STXBP5L: variants seen among roughly 807,000 people sequenced by gnomAD.
The protein encoded by STXBP5L is syntaxin binding protein 5L, also known as syntaxin-binding protein 5-like.
In STXBP5L, 65 loss-of-function variants were observed where a neutral mutation model predicts 144.5. The observed-to-expected ratio is 0.45, with a 90% confidence interval of 0.37 to 0.55. STXBP5L has a LOEUF of 0.55. Among genes scored for constraint, STXBP5L ranks in the 20% least tolerant of loss-of-function variants. The probability of loss-of-function intolerance (pLI) is 0.00; values close to 1 mark genes in which losing one functional copy is unlikely to be tolerated. For missense variants in STXBP5L, 1,298 were observed against 1,405.5 expected (o/e 0.92, Z 1.22); for synonymous variants, 505 against 469.6 (o/e 1.08, Z -0.97).
chr3:120,996,102 A>G (rs1001530407), intron 3 of STXBP5L, among the ~76,000 whole-genome samples: 13 of 152,152 alleles, frequency 8.5e-5, no homozygotes, highest in Non-Finnish European at 1.9e-4. Context: ...TAGTTTCAGA[A>G]GAGAGACATG....
At chr3:121,338,329 A>C (rs966117860) in intron 20 of STXBP5L, among the ~76,000 whole-genome samples, 5 of 152,100 alleles carry the variant, frequency 3.3e-5, no homozygotes, top group African/African-American at 9.7e-5. Flanking sequence ...GAAAAGAAGA[A>C]TCAAACAAGC....
intron 3 of STXBP5L, among the ~76,000 whole-genome samples, chr3:121,002,458 G>C (rs1244490032): frequency 6.6e-6 from 1 of 152,002 alleles, no homozygotes; most frequent in Non-Finnish European, 1.5e-5. Flanking sequence ...CAGATATATG[G>C]TTTGCAAATA....
At chr3:121,415,729 C>A in intron 24 of STXBP5L, 128 bp from the exon 25 acceptor site, 1 of 530,086 alleles carries the variant, frequency 1.9e-6, no homozygotes, top group Non-Finnish European at 3.2e-6. Context: ...CAGCAAAAAT[C>A]ACCATGAAAA....
In STXBP5L at chr3:120,957,559, A is replaced by G. The variant is rs187120711; in HGVS notation, c.287+2522A>G. On this transcript the variant is annotated intron_variant, in intron 3 of 26. Transcript: ENST00000471454. ...TATTAGGATAATGCCGGCCTCATAG[A>G]TGAGATTGAAAGTATTCCCTGCTTT... Among the ~76,000 whole-genome samples, 32 of 152,154 alleles carry G rather than the reference A, an allele frequency of 2.1e-4. No homozygotes were observed. The East Asian group carries it at 6.0e-3, about 28-fold the overall frequency.
intron 2 of STXBP5L, among the ~76,000 whole-genome samples, chr3:120,933,632 A>G (rs1204292598): frequency 2.0e-5 from 3 of 152,328 alleles, no homozygotes; most frequent in South Asian, 4.1e-4. Flanking sequence ...AAGGAAGTGC[A>G]TAGGGCATAG....
chr3:121,204,769 C>A (rs971721253), intron 9 of STXBP5L, among the ~76,000 whole-genome samples: 2 of 151,932 alleles, frequency 1.3e-5, no homozygotes, highest in African/African-American at 4.8e-5. Flanking sequence ...AGAACACAAG[C>A]CAGTTTAACC....
At chr3:121,128,838 T>G (rs2044839729) in intron 7 of STXBP5L, among the ~76,000 whole-genome samples, 1 of 152,070 alleles carries the variant, frequency 6.6e-6, no homozygotes, top group East Asian at 1.9e-4. Flanking sequence ...CATCAGGTTT[T>G]CAAATATAAG....
intron 14 of STXBP5L, among the ~76,000 whole-genome samples, chr3:121,242,031 T>A (rs1449258511): frequency 6.6e-6 from 1 of 152,106 alleles, no homozygotes; most frequent in African/African-American, 2.4e-5. Flanking sequence ...TTGAATCCTA[T>A]AACCAATGAA....
At chr3:121,117,462 C>G (rs752827382) in intron 6 of STXBP5L, among the ~76,000 whole-genome samples, 13 of 151,752 alleles carry the variant, frequency 8.6e-5, no homozygotes, top group Non-Finnish European at 1.6e-4. Context: ...AATTTCCAAT[C>G]TCCTGGAACT....
At chr3:121,361,348 C>T (rs2045706215) in intron 20 of STXBP5L, among the ~76,000 whole-genome samples, 1 of 152,058 alleles carries the variant, frequency 6.6e-6, no homozygotes, top group African/African-American at 2.4e-5. Flanking sequence ...GTTTGGGAAG[C>T]TCTCTGTTAT....
At chr3:120,990,968 A>G (rs1942794939) in intron 3 of STXBP5L, among the ~76,000 whole-genome samples, 1 of 152,258 alleles carries the variant, frequency 6.6e-6, no homozygotes, top group Non-Finnish European at 1.5e-5. Context: ...ACAAAAGCCA[A>G]AACTGACAAA....
intron 3 of STXBP5L, among the ~76,000 whole-genome samples, chr3:121,029,365 G>T (rs575039438): frequency 5.5e-4 from 84 of 152,174 alleles, no homozygotes; most frequent in Middle Eastern, 3.4e-3. Flanking sequence ...AGAGGCCTCA[G>T]AAATAACACC....
chr3:121,136,303 C>T (rs994872180), intron 7 of STXBP5L, among the ~76,000 whole-genome samples: 2 of 152,106 alleles, frequency 1.3e-5, no homozygotes, highest in African/African-American at 2.4e-5. Flanking sequence ...TCTGGCAGAT[C>T]CCTCCCCACC....
chr3:121,403,527 C>A (rs532065823), intron 22 of STXBP5L, among the ~76,000 whole-genome samples: 58 of 152,042 alleles, frequency 3.8e-4, no homozygotes, highest in Middle Eastern at 3.4e-3. Flanking sequence ...ATTGTTATAT[C>A]TTCCATTAAA....
At chr3:121,035,158 A>G (rs545636862) in intron 3 of STXBP5L, among the ~76,000 whole-genome samples, 1 of 152,254 alleles carries the variant, frequency 6.6e-6, no homozygotes, top group East Asian at 1.9e-4. Flanking sequence ...CCCATTCTGC[A>G]GGTTGGCTAT....
chr3:121,290,638 G>A (rs1488021060), intron 19 of STXBP5L, among the ~76,000 whole-genome samples: 2 of 151,932 alleles, frequency 1.3e-5, no homozygotes, highest in Non-Finnish European at 2.9e-5. Context: ...CCTGGTGAAC[G>A]TACGTGCAAA....
At chr3:121,147,610 T>C (rs1052906052) in intron 7 of STXBP5L, among the ~76,000 whole-genome samples, 4 of 152,112 alleles carry the variant, frequency 2.6e-5, no homozygotes, top group Non-Finnish European at 4.4e-5. Context: ...ACAATAAAGA[T>C]ATAATGGTTA....
chr3:121,051,149 C>A (rs1366582609), intron 5 of STXBP5L, among the ~76,000 whole-genome samples: 1 of 152,142 alleles, frequency 6.6e-6, no homozygotes, highest in East Asian at 1.9e-4. Flanking sequence ...GACTTTAACA[C>A]CCCACTGTCA....
intron 12 of STXBP5L, among the ~76,000 whole-genome samples, chr3:121,234,411 A>T (rs978086850): frequency 1.8e-4 from 27 of 152,094 alleles, no homozygotes; most frequent in Admixed American, 1.5e-3. Context: ...TTCCTTATTT[A>T]AAAAAATTCA....
Sources: gnomAD v4.1 joint callset for allele counts (sites outside exome capture counted in the v4.1 genomes callset) on GRCh38, gnomAD v4.1.1 for gene constraint, MANE v1.5 for transcripts, NCBI Gene and HGNC (gene_info 2026-07-23, HGNC 2026-07-21) for gene names.